KRR1: variants seen among roughly 807,000 people sequenced by gnomAD.
The protein encoded by KRR1 is KRR1 small subunit processome component homolog.
Under a neutral mutation model 50.0 loss-of-function variants are expected in KRR1, and 23 were observed. The ratio of observed to expected loss-of-function variants is 0.46; its 90% CI spans 0.33 to 0.65. The LOEUF (loss-of-function observed/expected upper bound fraction) is 0.65, where lower values mean the gene tolerates loss of function less well. KRR1 is among the 30% of genes least tolerant of loss of function. The pLI is 0.02. For synonymous variants in KRR1, 133 were observed against 146.3 expected (o/e 0.91, Z 0.66); for missense variants, 419 against 442.4 (o/e 0.95, Z 0.47).
At position 75,498,831 on chromosome 12, in the gene KRR1, C is replaced by G. The variant is rs922451076; in HGVS notation, c.*978G>C. 1.2e-6 allele frequency: 2 copies of G among 1,612,200 alleles called. No homozygotes were observed. Among genetic ancestry groups the G allele is most frequent in the Non-Finnish European group, 1.7e-6 (2 of 1,178,606 alleles). ...TCTATGTTTGTTTCACAGGTTACTA[C>G]TCTGTTGTATATCCAGGCTGGCCCA... is the stretch of plus-strand genomic sequence containing the variant. On this transcript the variant is annotated 3_prime_UTR_variant, in exon 10 of 10. Coordinates refer to ENST00000229214, the MANE Select transcript of KRR1 (RefSeq NM_007043.7).
chr12:75,499,771 C>T lies in KRR1; in HGVS notation c.*38G>A. 1 of 1,486,674 alleles carries T rather than the reference C, an allele frequency of 6.7e-7. No individual in the cohort carries two copies. The highest frequency in any genetic ancestry group is 9.0e-7 in the Non-Finnish European group (1 of 1,110,554). 92.1% of individuals were successfully genotyped at this position (1,486,674 alleles called of 1,614,324 possible). On this transcript the variant is annotated 3_prime_UTR_variant, in exon 10 of 10. Transcript: ENST00000229214. ...ATGCCTGATATCTCAAAATCCTTTA[C>T]AAAAGGAGATAGTTCTAGTCAAGGA...
chr12:75,503,226 C>G (rs2046406441), intron 7 of KRR1: 1 of 152,012 alleles, frequency 6.6e-6, no homozygotes, highest in African/African-American at 2.4e-5. Context: ...CAATAAAATG[C>G]AATGTCATAT....
At position 75,506,304 on chromosome 12, in the gene KRR1, C is replaced by G. The variant is rs1036145089; in HGVS notation, c.603+12G>C. The G allele has an allele frequency of 6.5e-7, 1 of 1,528,136 alleles. No homozygotes were observed. The highest frequency in any genetic ancestry group is 1.4e-5 in the African/African-American group (1 of 72,682). 94.7% of individuals were successfully genotyped at this position (1,528,136 alleles called of 1,614,324 possible). A position where few individuals can be genotyped will look rare whatever the true frequency, so the allele number is the denominator to read the frequency against. ...TGCTGAAAATGAATCGAAGATAATA[C>G]ATAGTTCTCACCTCTTTTAAGCCAC... On this transcript the variant is annotated intron_variant, in intron 5 of 9. Transcript: ENST00000229214.
Position 75,498,746 on chromosome 12 carries a change from T to C in KRR1, c.*1063A>G. 6.2e-7 allele frequency: 1 copy of C among 1,609,462 alleles called. No individual in the cohort carries two copies. The highest frequency in any genetic ancestry group is 2.2e-5 in the East Asian group (1 of 44,810). On this transcript the variant is annotated 3_prime_UTR_variant, in exon 10 of 10. Transcript: ENST00000229214. Reference sequence around the variant, plus strand: ...GTACGTACATCAATCTTAAATTGTTTCATTAAGAGCTATGTGAATTCTGTC... The same window carrying C: ...GTACGTACATCAATCTTAAATTGTTCCATTAAGAGCTATGTGAATTCTGTC...
Position 75,494,036 on chromosome 12 carries a change from T to C in KRR1, c.*5773A>G, listed in dbSNP as rs2046336802. On this transcript the variant is annotated 3_prime_UTR_variant, in exon 10 of 10. Coordinates refer to ENST00000229214, the MANE Select transcript of KRR1 (RefSeq NM_007043.7). ...TGATTAATGTCTATTTTGGACATCT[T>C]TTGAAATTGCTATCAGAATTTCTAC... The C allele has an allele frequency of 6.6e-6, 1 of 152,242 alleles. No individual in the cohort carries two copies. The highest frequency in any genetic ancestry group is 6.5e-5 in the Admixed American group (1 of 15,292). 9.4% of individuals were successfully genotyped at this position (152,242 alleles called of 1,614,324 possible).
chr12:75,491,374 G>C lies in KRR1; in HGVS notation c.*8435C>G. The C allele has an allele frequency of 6.6e-6, 1 of 152,128 alleles. No individual in the cohort carries two copies. Among genetic ancestry groups the C allele is most frequent in the East Asian group, 1.9e-4 (1 of 5,194 alleles). The allele number at this position is 152,128 out of a possible 1,614,324, so 9.4% of individuals were successfully genotyped here. ...ACTATCACTGATGGACTTTGATCTG[G>C]CTGTCTAGCTCCAGAGTCCATGCTC... On this transcript the variant is annotated 3_prime_UTR_variant, in exon 10 of 10. Coordinates refer to ENST00000229214, the MANE Select transcript of KRR1 (RefSeq NM_007043.7).
chr12:75,499,988 A>C (rs762092968), intron 9 of KRR1, 37 bp from the exon 10 acceptor site: 14 of 1,506,340 alleles, frequency 9.3e-6, no homozygotes, highest in Non-Finnish European at 1.3e-5. Context: ...GTAATACTTT[A>C]GATTTTACCA....
rs552977439 is a variant in KRR1, at chr12:75,491,696, T to C, written c.*8113A>G. On this transcript the variant is annotated 3_prime_UTR_variant, in exon 10 of 10. Transcript: ENST00000229214. ...CTTTCTTTTGCATCTCTGTGATTAC[T>C]AGTAATTATAAATTTCTTCACATAA... 1 of 152,336 alleles carries C rather than the reference T, an allele frequency of 6.6e-6. No individual in the cohort carries two copies. The highest frequency in any genetic ancestry group is 2.1e-4 in the South Asian group (1 of 4,832). The allele number at this position is 152,336 out of a possible 1,614,324, so 9.4% of individuals were successfully genotyped here. A position where few individuals can be genotyped will look rare whatever the true frequency, so the allele number is the denominator to read the frequency against.
chr12:75,502,217 T>TC, intron 7 of KRR1: 1 of 476,514 alleles, frequency 2.1e-6, no homozygotes, highest in Non-Finnish European at 3.7e-6. Context: ...CAACCCAGAG[T>TC]AGTTCAGGGA....
Position 75,504,082 on chromosome 12 carries a change from C to A in KRR1, c.661-8G>T. The A allele has an allele frequency of 6.3e-7, 1 of 1,579,920 alleles. No individual in the cohort carries two copies. Among genetic ancestry groups the A allele is most frequent in the Non-Finnish European group, 8.6e-7 (1 of 1,164,966 alleles). ...TCTCTTAATCATTAAGCTCTTTAGTCATGCAACAAAGTAAAAATTTTTACT... is the reference window on the plus strand; with the variant it reads ...TCTCTTAATCATTAAGCTCTTTAGTAATGCAACAAAGTAAAAATTTTTACT... On this transcript the variant is annotated splice_polypyrimidine_tract_variant and splice_region_variant and intron_variant, in intron 6 of 9. Coordinates refer to ENST00000229214, the MANE Select transcript of KRR1 (RefSeq NM_007043.7).
intron 1 of KRR1, 72 bp downstream of exon 1, chr12:75,511,441 G>T: frequency 7.5e-7 from 1 of 1,335,232 alleles, no homozygotes; most frequent in Non-Finnish European, 1.1e-6. Context: ...ATAAGTCCAC[G>T]AGGAACGAAA....
chr12:75,506,870 C>T lies in KRR1; in HGVS notation c.305G>A (p.Cys102Tyr). 5 of 1,613,054 alleles carry T rather than the reference C, an allele frequency of 3.1e-6. No individual in the cohort carries two copies. The highest frequency in any genetic ancestry group is 2.2e-5 in the East Asian group (1 of 44,838). The change falls in exon 3 of 10, where the codon TGT becomes TAT. Residue 102 changes from cysteine to tyrosine, a missense_variant. Coordinates refer to ENST00000229214, the MANE Select transcript of KRR1 (RefSeq NM_007043.7). ...LDLIEGSMTV[C>Y]TTKKTFDPYI... The stretch of plus-strand genomic sequence containing the variant: ...TGGATCAAAAGTCTTCTTTGTAGTA[C>T]AAACAGTCATGCTGCCTTCGATCAG...
At position 75,491,919 on chromosome 12, in the gene KRR1, G is replaced by A. The variant is rs2046325830; in HGVS notation, c.*7890C>T. ...GAAAGCCATTTCCCTGGTGTAATGT[G>A]CAGAAGACATGCTCGATACTCTGAC... On this transcript the variant is annotated 3_prime_UTR_variant, in exon 10 of 10. Coordinates refer to ENST00000229214, the MANE Select transcript of KRR1 (RefSeq NM_007043.7). The A allele has an allele frequency of 6.6e-6, 1 of 152,116 alleles. No individual in the cohort carries two copies. The highest frequency in any genetic ancestry group is 2.4e-5 in the African/African-American group (1 of 41,406). The allele number at this position is 152,116 out of a possible 1,614,324, so 9.4% of individuals were successfully genotyped here.
Position 75,506,353 on chromosome 12 carries a change from G to C in KRR1, c.566C>G (p.Thr189Arg). 2 of 1,611,980 alleles carry C rather than the reference G, an allele frequency of 1.2e-6. No individual in the cohort carries two copies. The highest frequency in any genetic ancestry group is 1.7e-6 in the Non-Finnish European group (2 of 1,178,856). ...TNCYIMVQGN[T>R]VSAIGPFSGL... ...ACTAAAAGGTCCAATGGCTGAAACT[G>C]TGTTTCCCTGAACCATAATGTAACA... Residue 189 changes from threonine (T) to arginine (R), a missense_variant, in exon 5 of 10, where the codon ACA (threonine) becomes AGA (arginine). Thr to Arg is a moderately conservative substitution (Grantham distance 71). Transcript: ENST00000229214.
chr12:75,495,723 G>A lies in KRR1; in HGVS notation c.*4086C>T. 1 of 978,632 alleles carries A rather than the reference G, an allele frequency of 1.0e-6. No homozygotes were observed. Among genetic ancestry groups the A allele is most frequent in the Non-Finnish European group, 1.6e-6 (1 of 625,872 alleles). 60.6% of individuals were successfully genotyped at this position (978,632 alleles called of 1,614,324 possible). A position where few individuals can be genotyped will look rare whatever the true frequency, so the allele number is the denominator to read the frequency against. On this transcript the variant is annotated 3_prime_UTR_variant, in exon 10 of 10. Coordinates refer to ENST00000229214, the MANE Select transcript of KRR1 (RefSeq NM_007043.7). ...TAATAGTAACATGTAACTTTCTACA[G>A]AATTAACAATGAAACCATGTTTTAT...
At position 75,501,712 on chromosome 12, in the gene KRR1, G is replaced by T; in HGVS notation, c.1003+11C>A. Reference sequence around the variant, plus strand: ...AATTAATAAAGACTTTTACATCATAGAAAGCATTACCTTCCTTAGGTTTCA... The same window carrying T: ...AATTAATAAAGACTTTTACATCATATAAAGCATTACCTTCCTTAGGTTTCA... On this transcript the variant is annotated intron_variant, in intron 9 of 9. Transcript: ENST00000229214. The T allele has an allele frequency of 1.3e-6, 2 of 1,546,214 alleles. No individual in the cohort carries two copies. Among genetic ancestry groups the T allele is most frequent in the Non-Finnish European group, 1.8e-6 (2 of 1,128,072 alleles).
intron 1 of KRR1, among the ~76,000 whole-genome samples, chr12:75,511,294 G>T (rs2046447306): frequency 6.6e-6 from 1 of 152,112 alleles, no homozygotes; most frequent in African/African-American, 2.4e-5. Context: ...TTCGCTTTGG[G>T]GACCCTTTAG....
In KRR1 at chr12:75,502,141, CAG is replaced by C; in HGVS notation, c.832-143_832-142del. On this transcript the variant is annotated intron_variant, in intron 7 of 9. Transcript: ENST00000229214. ...AAAAATGGTAGTGACATAAAGGAAA[CAG>C]AGTCTAAGCTGAGGGGAATACATAC... 3.3e-5 allele frequency: 23 copies of C among 691,380 alleles called. No homozygotes were observed. In the South Asian group the frequency reaches 3.9e-4, roughly 12 times the overall value. 42.8% of individuals were successfully genotyped at this position (691,380 alleles called of 1,614,324 possible).
chr12:75,506,338 C>A lies in KRR1; in HGVS notation c.581G>T (p.Gly194Val). 3.1e-6 allele frequency: 5 copies of A among 1,610,326 alleles called. No individual in the cohort carries two copies. The highest frequency in any genetic ancestry group is 4.2e-6 in the Non-Finnish European group (5 of 1,177,600). Residue 194 changes from glycine (G) to valine (V), a missense_variant, in exon 5 of 10, where the codon GGA (glycine) becomes GTA (valine). Transcript: ENST00000229214. ...MVQGNTVSAI[G>V]PFSGLKEVRK... is the part of the protein sequence containing the mutation. ...CACCTCTTTTAAGCCACTAAAAGGT[C>A]CAATGGCTGAAACTGTGTTTCCCTG...
Sources: gnomAD v4.1 joint callset for allele counts (sites outside exome capture counted in the v4.1 genomes callset) on GRCh38, gnomAD v4.1.1 for gene constraint, MANE v1.5 for transcripts, NCBI Gene and HGNC (gene_info 2026-07-23, HGNC 2026-07-21) for gene names.